ERBB4: variants seen among roughly 807,000 people sequenced by gnomAD.
ERBB4 encodes erb-b2 receptor tyrosine kinase 4.
Under a neutral mutation model 158.0 loss-of-function variants are expected in ERBB4, and 42 were observed. The ratio of observed to expected loss-of-function variants is 0.27; its 90% CI spans 0.21 to 0.34. The LOEUF is 0.34. Among genes scored for constraint, ERBB4 ranks in the 10% least tolerant of loss-of-function variants. The pLI, the probability that ERBB4 is intolerant of heterozygous loss-of-function variation, is 1.00. For missense variants in ERBB4, 1,333 were observed against 1,624.1 expected (o/e 0.82, Z 3.08); for synonymous variants, 583 against 558.7 (o/e 1.04, Z -0.61).
intron 1 of ERBB4, among the ~76,000 whole-genome samples, chr2:212,312,379 A>T (rs1002047810): frequency 6.6e-6 from 1 of 150,976 alleles, no homozygotes; most frequent in African/African-American, 2.4e-5. Flanking sequence ...TCATTGAATT[A>T]GAAATTATGC....
chr2:211,889,543 A>G (rs2106179373), intron 3 of ERBB4, among the ~76,000 whole-genome samples: 1 of 151,778 alleles, frequency 6.6e-6, no homozygotes, highest in South Asian at 2.1e-4. Context: ...AACAAGGAAC[A>G]AAGCTGGATG....
intron 1 of ERBB4, among the ~76,000 whole-genome samples, chr2:212,495,883 T>G (rs150949776): frequency 0.012 from 1,820 of 152,242 alleles, 36 homozygotes; most frequent in African/African-American, 0.042. Context: ...TTTATACAGC[T>G]CTCTATGATT....
At chr2:212,511,515 C>T (rs1314359100) in intron 1 of ERBB4, among the ~76,000 whole-genome samples, 3 of 151,204 alleles carry the variant, frequency 2.0e-5, no homozygotes, top group African/African-American at 7.3e-5. Flanking sequence ...TAATTTATAA[C>T]TGTGTTCCTT....
chr2:212,370,882 C>T (rs552251424), intron 1 of ERBB4, among the ~76,000 whole-genome samples: 4 of 152,070 alleles, frequency 2.6e-5, no homozygotes, highest in African/African-American at 9.6e-5. Flanking sequence ...TTTCAAATAC[C>T]TAAAATTTTA....
intron 3 of ERBB4, among the ~76,000 whole-genome samples, chr2:211,825,086 A>G (rs2077070493): frequency 6.6e-6 from 1 of 151,994 alleles, no homozygotes; most frequent in Non-Finnish European, 1.5e-5. Context: ...GCAGGAGACC[A>G]GAACAGATAT....
At chr2:211,863,003 C>A (rs1228048416) in intron 3 of ERBB4, among the ~76,000 whole-genome samples, 1 of 151,586 alleles carries the variant, frequency 6.6e-6, no homozygotes, top group Non-Finnish European at 1.5e-5. Flanking sequence ...GTAAATGCAC[C>A]ATTCAGCACT....
chr2:211,932,223 T>G (rs1259530436), intron 3 of ERBB4, among the ~76,000 whole-genome samples: 2 of 152,058 alleles, frequency 1.3e-5, no homozygotes, highest in African/African-American at 4.8e-5. Context: ...ATTTCTGCGT[T>G]AAGAATCTTT....
chr2:211,834,658 A>G (rs1263928449), intron 3 of ERBB4, among the ~76,000 whole-genome samples: 4 of 152,136 alleles, frequency 2.6e-5, no homozygotes, highest in African/African-American at 9.7e-5. Context: ...ATCGAATTTG[A>G]TGTCATCAAT....
At chr2:211,997,581 G>T (rs1273420019) in intron 2 of ERBB4, among the ~76,000 whole-genome samples, 1 of 151,888 alleles carries the variant, frequency 6.6e-6, no homozygotes, top group African/African-American at 2.4e-5. Flanking sequence ...TTTATTTAAT[G>T]TTAATTCATC....
At chr2:211,734,680 G>A (rs922348335) in intron 5 of ERBB4, among the ~76,000 whole-genome samples, 1 of 146,612 alleles carries the variant, frequency 6.8e-6, no homozygotes, top group African/African-American at 2.5e-5. Context: ...CAGCACTTTG[G>A]AAGGCCAAGG....
intron 2 of ERBB4, among the ~76,000 whole-genome samples, chr2:211,961,071 A>G (rs964908277): frequency 1.3e-5 from 2 of 152,090 alleles, no homozygotes; most frequent in Non-Finnish European, 2.9e-5. Context: ...AATAATATTT[A>G]TTTTTAAAAA....
At chr2:212,434,619 C>T (rs2092098140) in intron 1 of ERBB4, among the ~76,000 whole-genome samples, 2 of 151,884 alleles carry the variant, frequency 1.3e-5, no homozygotes, top group South Asian at 4.1e-4. Flanking sequence ...GAGACACGTT[C>T]ATCTTAGTAA....
At chr2:211,725,306 A>T in intron 5 of ERBB4, 112 bp from the exon 6 acceptor site, 1 of 819,866 alleles carries the variant, frequency 1.2e-6, no homozygotes, top group Admixed American at 1.7e-5. Flanking sequence ...TTCAGCAAAC[A>T]TTTAATGAAT....
chr2:212,369,735 C>A (rs1290179279), intron 1 of ERBB4, among the ~76,000 whole-genome samples: 1 of 151,990 alleles, frequency 6.6e-6, no homozygotes, highest in East Asian at 1.9e-4. Flanking sequence ...CACTCTGATG[C>A]CTGGCTGGAC....
intron 1 of ERBB4, among the ~76,000 whole-genome samples, chr2:212,509,638 C>T (rs756098852): frequency 5.3e-5 from 8 of 151,884 alleles, no homozygotes; most frequent in Admixed American, 1.3e-4. Flanking sequence ...TATACCTAGG[C>T]TTTGGAGTCA....
At chr2:212,203,574 A>C (rs1259501140) in intron 1 of ERBB4, among the ~76,000 whole-genome samples, 1 of 152,222 alleles carries the variant, frequency 6.6e-6, no homozygotes, top group African/African-American at 2.4e-5. Flanking sequence ...CTTTTTAATG[A>C]ATCATTCTAT....
chr2:211,422,828 C>G (rs2063542369), intron 23 of ERBB4, among the ~76,000 whole-genome samples: 1 of 151,844 alleles, frequency 6.6e-6, no homozygotes, highest in Admixed American at 6.6e-5. Context: ...GAGCTAAATT[C>G]TGATGAGTTT....
intron 1 of ERBB4, among the ~76,000 whole-genome samples, chr2:212,451,319 T>C (rs2092442717): frequency 6.6e-6 from 1 of 152,234 alleles, no homozygotes; most frequent in South Asian, 2.1e-4. Context: ...TTTATAGCCA[T>C]GTATCATAAT....
intron 3 of ERBB4, among the ~76,000 whole-genome samples, chr2:211,910,352 A>G (rs1240373463): frequency 6.6e-6 from 1 of 150,728 alleles, no homozygotes; most frequent in Non-Finnish European, 1.5e-5. Flanking sequence ...ATTTTCTTGT[A>G]GAGGCTGGAT....
Sources: allele counts gnomAD v4.1 joint callset (sites outside exome capture counted in the v4.1 genomes callset), GRCh38; gene constraint gnomAD v4.1.1; transcripts MANE v1.5; gene names NCBI Gene and HGNC (gene_info 2026-07-23, HGNC 2026-07-21).